Variants in OPCML observed in about 807,000 individuals in gnomAD.
OPCML encodes opioid binding protein/cell adhesion molecule like.
Under a neutral mutation model 37.8 loss-of-function variants are expected in OPCML, and 13 were observed. That is an observed-to-expected ratio of 0.34 (90% CI 0.22 to 0.55). The LOEUF (loss-of-function observed/expected upper bound fraction) is 0.55. Among genes scored for constraint, OPCML ranks in the 20% least tolerant of loss-of-function variants. OPCML has a pLI of 0.91. For missense variants in OPCML, 341 were observed against 435.6 expected (o/e 0.78, Z 1.93); for synonymous variants, 176 against 168.8 (o/e 1.04, Z -0.33).
chr11:132,971,246 T>C (rs985943822), intron 1 of OPCML, among the ~76,000 whole-genome samples: 4 of 152,190 alleles, frequency 2.6e-5, no homozygotes, highest in African/African-American at 7.2e-5. Context: ...TATAATAGCT[T>C]GCACATAGTA....
At chr11:132,635,905 T>C (rs1009681570) in intron 3 of OPCML, among the ~76,000 whole-genome samples, 1 of 152,180 alleles carries the variant, frequency 6.6e-6, no homozygotes, top group African/African-American at 2.4e-5. Context: ...TCAGGCTACA[T>C]TCATGTTTAA....
chr11:133,262,259 T>C (rs1941518132), intron 1 of OPCML, among the ~76,000 whole-genome samples: 1 of 152,190 alleles, frequency 6.6e-6, no homozygotes, highest in Non-Finnish European at 1.5e-5. Context: ...AGTAATAGGA[T>C]TCTCCCTTTA....
At chr11:132,448,530 G>T (rs550377793) in intron 4 of OPCML, among the ~76,000 whole-genome samples, 1 of 152,194 alleles carries the variant, frequency 6.6e-6, no homozygotes, top group African/African-American at 2.4e-5. Context: ...AAGGGGCGAA[G>T]TCTCCACTAG....
At chr11:132,827,472 G>A (rs898511306) in intron 2 of OPCML, among the ~76,000 whole-genome samples, 22 of 152,100 alleles carry the variant, frequency 1.4e-4, no homozygotes, top group Admixed American at 1.3e-3. Flanking sequence ...AATGCAAAAT[G>A]GCACTGCCAT....
At chr11:133,322,598 A>G (rs373399277) in intron 1 of OPCML, among the ~76,000 whole-genome samples, 9 of 151,964 alleles carry the variant, frequency 5.9e-5, no homozygotes, top group African/African-American at 2.4e-5. Context: ...AACAACCACA[A>G]AAAAAAAGAC....
At chr11:132,892,477 A>C (rs1223836970) in intron 2 of OPCML, among the ~76,000 whole-genome samples, 1 of 152,150 alleles carries the variant, frequency 6.6e-6, no homozygotes, top group Non-Finnish European at 1.5e-5. Flanking sequence ...TTCAAAAGTA[A>C]AGTATTCTTG....
At chr11:133,093,062 AATTATT>A (rs1030089615) in intron 1 of OPCML, among the ~76,000 whole-genome samples, 2 of 152,200 alleles carry the variant, frequency 1.3e-5, no homozygotes, top group East Asian at 1.9e-4. Flanking sequence ...TAACTATAAT[AATTATT>A]ATTATTAATT....
Position 133,283,952 on chromosome 11 carries a change from C to T in OPCML, c.61+248312G>A, listed in dbSNP as rs988396480. ...GACACTCTCCTGGATCGCTTCCCCC[C>T]CCAGTACCTAAAAGTCAAGCCCTAA... is the stretch of plus-strand genomic sequence containing the variant. On this transcript the variant is annotated intron_variant, in intron 1 of 7. Transcript: ENST00000524381. Among the ~76,000 whole-genome samples, 106 of 152,260 alleles carry T rather than the reference C, an allele frequency of 7.0e-4. 2 individuals are homozygous for T. Among genetic ancestry groups the T allele is most frequent in the Non-Finnish European group, 7.4e-5 (5 of 68,026 alleles).
chr11:132,795,696 C>T (rs1938264531), intron 2 of OPCML, among the ~76,000 whole-genome samples: 1 of 152,168 alleles, frequency 6.6e-6, no homozygotes, highest in Non-Finnish European at 1.5e-5. Flanking sequence ...TGTGACTAGT[C>T]TCTTTCACTT....
chr11:133,137,546 A>G (rs755167672), intron 1 of OPCML, among the ~76,000 whole-genome samples: 42 of 152,168 alleles, frequency 2.8e-4, no homozygotes, highest in East Asian at 7.7e-4. Context: ...GTAAGAGTCA[A>G]TATCATGCTG....
intron 1 of OPCML, among the ~76,000 whole-genome samples, chr11:133,085,619 A>G (rs2137042060): frequency 6.6e-6 from 1 of 152,360 alleles, no homozygotes; most frequent in East Asian, 1.9e-4. Flanking sequence ...CATACAATAA[A>G]GTACCAAGGC....
intron 1 of OPCML, among the ~76,000 whole-genome samples, chr11:133,409,859 A>G (rs1472794440): frequency 6.6e-6 from 1 of 152,082 alleles, no homozygotes; most frequent in Non-Finnish European, 1.5e-5. Flanking sequence ...TCGGGGAGAG[A>G]GACAAACAGA....
At chr11:132,809,514 C>T (rs546237390) in intron 2 of OPCML, among the ~76,000 whole-genome samples, 26 of 152,234 alleles carry the variant, frequency 1.7e-4, no homozygotes, top group African/African-American at 6.0e-4. Flanking sequence ...ATGTTCCTTA[C>T]TATAGATTAT....
chr11:133,409,888 T>C (rs1365539867), intron 1 of OPCML, among the ~76,000 whole-genome samples: 1 of 152,132 alleles, frequency 6.6e-6, no homozygotes, highest in African/African-American at 2.4e-5. Context: ...TATTGTGTGA[T>C]GCAGTCTCTT....
intron 1 of OPCML, among the ~76,000 whole-genome samples, chr11:133,454,535 T>C (rs1300838109): frequency 6.6e-6 from 1 of 152,220 alleles, no homozygotes; most frequent in African/African-American, 2.4e-5. Flanking sequence ...TGGAACTATG[T>C]AGCTGGAAGA....
rs141653751 is a variant in OPCML, at chr11:133,275,345, T to G, written c.61+256919A>C. On this transcript the variant is annotated intron_variant, in intron 1 of 7. Transcript: ENST00000524381. ...GCCAATTTTTTTTTATTTTGCCAAGTAACAGTGTCTACTTCTTCTCATCAT... is the reference window on the plus strand; with the variant it reads ...GCCAATTTTTTTTTATTTTGCCAAGGAACAGTGTCTACTTCTTCTCATCAT... Among the ~76,000 whole-genome samples the G allele has an allele frequency of 3.5e-3, 526 of 152,296 alleles. 9 individuals carry two copies. Among genetic ancestry groups the G allele is most frequent in the Admixed American group, 0.026 (401 of 15,296 alleles).
intron 1 of OPCML, among the ~76,000 whole-genome samples, chr11:133,242,798 G>A (rs1189647166): frequency 6.6e-6 from 1 of 152,198 alleles, no homozygotes; most frequent in Non-Finnish European, 1.5e-5. Flanking sequence ...CTCTGTGCCT[G>A]AGATAAACAC....
At chr11:133,530,960 TA>T (rs1454306699) in intron 1 of OPCML, among the ~76,000 whole-genome samples, 1 of 152,174 alleles carries the variant, frequency 6.6e-6, no homozygotes, top group Non-Finnish European at 1.5e-5. Flanking sequence ...TATAGAAACA[TA>T]AAACTGTATG....
intron 2 of OPCML, among the ~76,000 whole-genome samples, chr11:132,683,522 C>G: frequency 6.6e-6 from 1 of 152,190 alleles, no homozygotes; most frequent in Non-Finnish European, 1.5e-5. Flanking sequence ...AAATGTATGA[C>G]TTTTCGTAAC....
Sources: allele counts gnomAD v4.1 joint callset (sites outside exome capture counted in the v4.1 genomes callset), GRCh38; gene constraint gnomAD v4.1.1; transcripts MANE v1.5; gene names NCBI Gene and HGNC (gene_info 2026-07-23, HGNC 2026-07-21).